BRI3BP: variants seen among roughly 807,000 people sequenced by gnomAD.
BRI3BP encodes the protein BRI3-binding protein.
In BRI3BP, 7 loss-of-function variants were observed where a neutral mutation model predicts 15.8. The ratio of observed to expected loss-of-function variants is 0.44; its 90% CI spans 0.25 to 0.83. The LOEUF is 0.83. BRI3BP is among the 40% of genes least tolerant of loss of function. The probability of loss-of-function intolerance (pLI) is 0.20; values close to 1 mark genes in which losing one functional copy is unlikely to be tolerated. For missense variants in BRI3BP, 320 were observed against 339.3 expected (o/e 0.94, Z 0.45); for synonymous variants, 192 against 163.5 (o/e 1.17, Z -1.33).
At chr12:124,999,313 C>A (rs1233560912) in intron 1 of BRI3BP, among the ~76,000 whole-genome samples, 1 of 152,160 alleles carries the variant, frequency 6.6e-6, no homozygotes, top group Non-Finnish European at 1.5e-5. Flanking sequence ...TCTACCACCC[C>A]CTTCCCCGAA....
rs530930003 is a variant in BRI3BP, at chr12:124,994,140, C to T, written c.213+137C>T. The T allele has an allele frequency of 4.5e-4, 241 of 540,504 alleles. 2 individuals carry two copies. Among genetic ancestry groups the T allele is most frequent in the African/African-American group, 4.5e-3 (217 of 48,696 alleles). The allele number at this position is 540,504 out of a possible 1,614,324, so 33.5% of individuals were successfully genotyped here. ...GCGGGAAGAGGGGGTCCGGCCTGCG[C>T]CTCGGGGCCTGCCGCCTGCGGCCCC... On this transcript the variant is annotated intron_variant, in intron 1 of 2. Coordinates refer to ENST00000341446, the MANE Select transcript of BRI3BP (RefSeq NM_080626.6).
intron 1 of BRI3BP, among the ~76,000 whole-genome samples, chr12:125,009,122 C>T (rs1360340073): frequency 2.0e-5 from 3 of 151,250 alleles, no homozygotes; most frequent in Admixed American, 6.6e-5. Flanking sequence ...GAATTACAGG[C>T]GCACAACACT....
chr12:125,008,373 C>T (rs962760610), intron 1 of BRI3BP, among the ~76,000 whole-genome samples: 1 of 142,438 alleles, frequency 7.0e-6, no homozygotes, highest in African/African-American at 2.6e-5. Context: ...AGTGCAGTGG[C>T]GCGATCTCGG....
At chr12:124,997,158 C>A (rs756605414) in intron 1 of BRI3BP, among the ~76,000 whole-genome samples, 2 of 147,000 alleles carry the variant, frequency 1.4e-5, no homozygotes, top group Non-Finnish European at 3.0e-5. Flanking sequence ...GTTTCTCACT[C>A]GCTCTGTGAC....
At position 125,025,560 on chromosome 12, in the gene BRI3BP, G is replaced by T; in HGVS notation, c.*130G>T. The T allele has an allele frequency of 1.0e-6, 1 of 959,834 alleles. No homozygotes were observed. 59.5% of individuals were successfully genotyped at this position (959,834 alleles called of 1,614,324 possible). On this transcript the variant is annotated 3_prime_UTR_variant, in exon 3 of 3. Coordinates refer to ENST00000341446, the MANE Select transcript of BRI3BP (RefSeq NM_080626.6). ...GAGCAAGAAAGTGGCGCTGTGTAGGGCTATTTCCACCCACCCGGCAGCTCT... is the reference window on the plus strand; with the variant it reads ...GAGCAAGAAAGTGGCGCTGTGTAGGTCTATTTCCACCCACCCGGCAGCTCT...
chr12:125,021,011 A>G (rs1955294244), intron 2 of BRI3BP, among the ~76,000 whole-genome samples: 1 of 152,246 alleles, frequency 6.6e-6, no homozygotes, highest in South Asian at 2.1e-4. Context: ...GGGACGCTTC[A>G]ATAATACTGA....
At chr12:125,042,756 C>T in the BRI3BP span, among the ~76,000 whole-genome samples, 1 of 152,080 alleles carries the variant, frequency 6.6e-6, no homozygotes, top group Non-Finnish European at 1.5e-5. Context: ...AGGCTGGTTT[C>T]AAACTCCTGA....
intron 1 of BRI3BP, among the ~76,000 whole-genome samples, chr12:125,007,343 A>G (rs965381102): frequency 2.6e-5 from 4 of 152,138 alleles, no homozygotes; most frequent in Admixed American, 2.6e-4. Context: ...TGAGGTTAGA[A>G]GTTCGAAACC....
intron 2 of BRI3BP, 31 bp from the exon 3 acceptor site, chr12:125,024,960 A>G (rs756221244): frequency 6.4e-7 from 1 of 1,573,282 alleles, no homozygotes. Context: ...CCCCTGCGTA[A>G]CGAGCCCTGT....
chr12:125,012,775 A>G lies in BRI3BP; in HGVS notation c.316+139A>G, dbSNP rs1040722708. 7 of 664,130 alleles carry G rather than the reference A, an allele frequency of 1.1e-5. No homozygotes were observed. In the African/African-American group the frequency reaches 1.3e-4, roughly 12 times the overall value. 41.1% of individuals were successfully genotyped at this position (664,130 alleles called of 1,614,324 possible). The stretch of plus-strand genomic sequence containing the variant: ...GTGAGGATATGAGTGAACATTTTTT[A>G]TTTTAATAGTCTCATATATAGGCCA... On this transcript the variant is annotated intron_variant, in intron 2 of 2. Transcript: ENST00000341446.
rs1955341763 is a variant in BRI3BP at position 125,025,257 on chromosome 12, T to C, written c.583T>C (p.Tyr195His). The change falls in exon 3 of 3, where the codon TAC becomes CAC. Residue 195 changes from tyrosine to histidine, a missense_variant. Tyr to His is a moderately conservative substitution (Grantham distance 83). Coordinates refer to ENST00000341446, the MANE Select transcript of BRI3BP (RefSeq NM_080626.6). ...GCCGCTGTGCTTCGTGGTGGCCGTC[T>C]ACTTCATGACCGGGCCCATGGGCTT... ...VLPLCFVVAV[Y>H]FMTGPMGFYW... The C allele has an allele frequency of 6.2e-7, 1 of 1,614,002 alleles. No homozygotes were observed.
At chr12:125,014,797 C>T (rs1443487044) in intron 2 of BRI3BP, among the ~76,000 whole-genome samples, 1 of 152,108 alleles carries the variant, frequency 6.6e-6, no homozygotes, top group African/African-American at 2.4e-5. Flanking sequence ...TGTTTAGGAT[C>T]TCACTCTGTT....
chr12:125,012,073 G>C (rs1265449098), intron 1 of BRI3BP, among the ~76,000 whole-genome samples: 1 of 152,138 alleles, frequency 6.6e-6, no homozygotes, highest in Non-Finnish European at 1.5e-5. Context: ...TGTAGCCCTA[G>C]CTACTTGGGA....
In BRI3BP at chr12:125,025,224, G is replaced by T; in HGVS notation, c.550G>T (p.Ala184Ser). The change falls in exon 3 of 3, where the codon GCG becomes TCG. Residue 184 changes from alanine (A) to serine (S), a missense_variant. Transcript: ENST00000341446. ...CAAGTACGAGGGCGAGCCGGAGAAC[G>T]CGGTGCTGCCGCTGTGCTTCGTGGT... is the stretch of plus-strand genomic sequence containing the variant. ...LHKYEGEPEN[A>S]VLPLCFVVAV... 6.2e-7 allele frequency: 1 copy of T among 1,614,142 alleles called. No homozygotes were observed. Among genetic ancestry groups the T allele is most frequent in the South Asian group, 1.1e-5 (1 of 91,086 alleles).
intron 1 of BRI3BP, among the ~76,000 whole-genome samples, chr12:124,995,128 G>A (rs7138778): frequency 2.1e-3 from 316 of 152,328 alleles, no homozygotes; most frequent in Non-Finnish European, 2.7e-3. Context: ...TAACATGAAA[G>A]GTTAATTTGT....
the BRI3BP span, among the ~76,000 whole-genome samples, chr12:125,045,161 AT>A: frequency 6.6e-6 from 1 of 152,228 alleles, no homozygotes; most frequent in East Asian, 1.9e-4. Flanking sequence ...GAAATTGAAA[AT>A]TAACAGAACT....
intron 1 of BRI3BP, among the ~76,000 whole-genome samples, chr12:125,004,014 C>T (rs1955121821): frequency 6.7e-6 from 1 of 150,016 alleles, no homozygotes; most frequent in Non-Finnish European, 1.5e-5. Context: ...ACACACAATA[C>T]CATCATTACA....
downstream of BRI3BP, among the ~76,000 whole-genome samples, chr12:125,031,517 C>T (rs1203278364): frequency 6.6e-6 from 1 of 151,920 alleles, no homozygotes; most frequent in East Asian, 1.9e-4. Flanking sequence ...CGTGCCTCTC[C>T]ACCCCACCCC....
chr12:125,007,176 G>A (rs1280344361), intron 1 of BRI3BP, among the ~76,000 whole-genome samples: 2 of 151,890 alleles, frequency 1.3e-5, no homozygotes, highest in Non-Finnish European at 2.9e-5. Context: ...TCTAGCCTGG[G>A]TGACAGAGTG....
Sources: gnomAD v4.1 joint callset for allele counts (sites outside exome capture counted in the v4.1 genomes callset) on GRCh38, gnomAD v4.1.1 for gene constraint, MANE v1.5 for transcripts, NCBI Gene and HGNC (gene_info 2026-07-23, HGNC 2026-07-21) for gene names.